SLIT3: variants seen among roughly 807,000 people sequenced by gnomAD.
SLIT3 encodes slit homolog 3 protein.
A neutral mutation model predicts 184.0 loss-of-function variants in SLIT3; 68 were observed. The ratio of observed to expected loss-of-function variants is 0.37; its 90% CI spans 0.30 to 0.45. SLIT3 has a LOEUF of 0.45. SLIT3 is among the 20% of genes least tolerant of loss of function. The pLI is 1.00. For synonymous variants in SLIT3, 831 were observed against 828.6 expected (o/e 1.00, Z -0.05); for missense variants, 1,707 against 2,026.0 (o/e 0.84, Z 3.02).
chr5:168,949,780 T>C (rs1260739806), intron 4 of SLIT3, among the ~76,000 whole-genome samples: 1 of 152,058 alleles, frequency 6.6e-6, no homozygotes, highest in Admixed American at 6.6e-5. Flanking sequence ...TTTGTAGAAA[T>C]GGGCTCTCAC....
chr5:168,981,064 A>T (rs1168446056), intron 4 of SLIT3, among the ~76,000 whole-genome samples: 1 of 152,204 alleles, frequency 6.6e-6, no homozygotes, highest in African/African-American at 2.4e-5. Flanking sequence ...TCCCAAAAAG[A>T]TATTTTTTTA....
intron 4 of SLIT3, among the ~76,000 whole-genome samples, chr5:168,937,459 G>A (rs976067594): frequency 3.3e-5 from 5 of 152,192 alleles, no homozygotes; most frequent in African/African-American, 1.2e-4. Flanking sequence ...GTGGCAGCCT[G>A]GCCTTCGAGG....
chr5:169,037,130 T>C (rs1309954059), intron 4 of SLIT3, among the ~76,000 whole-genome samples: 2 of 107,040 alleles, frequency 1.9e-5, no homozygotes. Context: ...GTAGTCTCAT[T>C]CGTGCCTCTA....
intron 4 of SLIT3, among the ~76,000 whole-genome samples, chr5:169,048,766 C>T (rs1757714550): frequency 6.6e-6 from 1 of 152,210 alleles, no homozygotes; most frequent in Admixed American, 6.5e-5. Context: ...TCTATCTCAT[C>T]TCTGGAGGTG....
intron 5 of SLIT3, among the ~76,000 whole-genome samples, chr5:168,850,877 C>T (rs1758643478): frequency 6.6e-6 from 1 of 152,214 alleles, no homozygotes; most frequent in Non-Finnish European, 1.5e-5. Context: ...AAGAGGCACA[C>T]CAGACCTTGG....
chr5:168,927,516 T>C (rs903186080), intron 4 of SLIT3, among the ~76,000 whole-genome samples: 1 of 152,250 alleles, frequency 6.6e-6, no homozygotes, highest in Non-Finnish European at 1.5e-5. Flanking sequence ...TCTTATGTTA[T>C]TTGCATTTTA....
intron 23 of SLIT3, among the ~76,000 whole-genome samples, chr5:168,718,487 G>A (rs1047004089): frequency 9.2e-5 from 14 of 152,126 alleles, no homozygotes; most frequent in Admixed American, 6.5e-5. Flanking sequence ...ATGTGACTTG[G>A]TGTGGAGCAA....
intron 4 of SLIT3, among the ~76,000 whole-genome samples, chr5:169,079,622 AGAAGAGGAGGAGG>A (rs1561649185): frequency 4.7e-4 from 25 of 52,742 alleles, no homozygotes; most frequent in African/African-American, 1.7e-3. Context: ...GAAGGAGGAG[AGAAGAGGAGGAGG>A]GAAGAGGAGG....
At chr5:168,718,741 C>CAT (rs1561891920) in intron 23 of SLIT3, among the ~76,000 whole-genome samples, 4 of 151,056 alleles carry the variant, frequency 2.6e-5, no homozygotes, top group African/African-American at 9.8e-5. Context: ...TTCTCTCTCT[C>CAT]TCTCTCTTTC....
intron 4 of SLIT3, among the ~76,000 whole-genome samples, chr5:168,897,435 G>A (rs1760706574): frequency 6.6e-6 from 1 of 151,940 alleles, no homozygotes; most frequent in African/African-American, 2.4e-5. Flanking sequence ...GAGAGAGACA[G>A]AGAGAGGGAG....
chr5:169,068,260 A>T (rs548159333), intron 4 of SLIT3, among the ~76,000 whole-genome samples: 2 of 152,228 alleles, frequency 1.3e-5, no homozygotes, highest in African/African-American at 4.8e-5. Flanking sequence ...TTAATATAAC[A>T]TTTCTTCACT....
chr5:169,178,558 C>G (rs538070423), intron 4 of SLIT3, among the ~76,000 whole-genome samples: 1 of 152,262 alleles, frequency 6.6e-6, no homozygotes, highest in East Asian at 1.9e-4. Context: ...AAGACTAAAA[C>G]AAACCTGAGA....
intron 14 of SLIT3, among the ~76,000 whole-genome samples, chr5:168,771,021 G>A (rs1213257707): frequency 6.6e-6 from 1 of 152,040 alleles, no homozygotes; most frequent in Non-Finnish European, 1.5e-5. Flanking sequence ...ATCCATTTGG[G>A]GTCCAAAGTA....
intron 1 of SLIT3, among the ~76,000 whole-genome samples, chr5:169,258,678 G>A (rs1010204091): frequency 1.3e-5 from 2 of 152,202 alleles, no homozygotes; most frequent in Admixed American, 6.5e-5. Context: ...CTTGGGTGGG[G>A]TAGGGAGAAA....
intron 4 of SLIT3, among the ~76,000 whole-genome samples, chr5:168,947,223 G>T (rs535231494): frequency 1.3e-5 from 2 of 152,314 alleles, no homozygotes. Context: ...AAAGAGAAAT[G>T]CAACGAGAGA....
chr5:168,764,282 C>T (rs539426323), intron 14 of SLIT3, among the ~76,000 whole-genome samples: 13 of 152,250 alleles, frequency 8.5e-5, no homozygotes, highest in Non-Finnish European at 1.3e-4. Flanking sequence ...TATACTGAGC[C>T]GGGCACTATT....
chr5:168,789,550 C>A lies in SLIT3; in HGVS notation c.1079+10G>T, dbSNP rs748917329. On this transcript the variant is annotated intron_variant, in intron 11 of 35. Transcript: ENST00000519560. ...CCCTCACCTCAGGCCCCAACTCGGGCCCCACTTACAGCGATGTGAGTGATT... is the reference window on the plus strand; with the variant it reads ...CCCTCACCTCAGGCCCCAACTCGGGACCCACTTACAGCGATGTGAGTGATT... The A allele has an allele frequency of 2.5e-6, 4 of 1,609,946 alleles. No homozygotes were observed. The highest frequency in any genetic ancestry group is 2.5e-6 in the Non-Finnish European group (3 of 1,177,352).
rs201685130 is a variant in SLIT3 at position 169,039,317 on chromosome 5, G to GTT, written c.413+154160_413+154161dup. On this transcript the variant is annotated intron_variant, in intron 4 of 35. Transcript: ENST00000519560. ...CCGTAAGAGTTAAGTTTTTTTTTGTGTTTTTTTTTTTTTTTTTGAGATGCA... is the reference window on the plus strand; with the variant it reads ...CCGTAAGAGTTAAGTTTTTTTTTGTGTTTTTTTTTTTTTTTTTTTGAGATGCA... Among the ~76,000 whole-genome samples the GTT allele has an allele frequency of 2.8e-3, 372 of 131,796 alleles. 7 individuals are homozygous for GTT. Among genetic ancestry groups the GTT allele is most frequent in the East Asian group, 0.013 (58 of 4,352 alleles). The allele number at this position is 131,796 out of a possible 152,430, so 86.5% of individuals were successfully genotyped here.
At chr5:168,865,916 T>A (rs1759282020) in intron 5 of SLIT3, among the ~76,000 whole-genome samples, 2 of 152,230 alleles carry the variant, frequency 1.3e-5, no homozygotes. Flanking sequence ...AAAATACTAA[T>A]AATATATTGG....
Sources: allele counts gnomAD v4.1 joint callset (sites outside exome capture counted in the v4.1 genomes callset), GRCh38; gene constraint gnomAD v4.1.1; transcripts MANE v1.5; gene names NCBI Gene and HGNC (gene_info 2026-07-23, HGNC 2026-07-21).